MDGA2: variants seen among roughly 807,000 people sequenced by gnomAD.
MDGA2 encodes MAM domain containing glycosylphosphatidylinositol anchor 2, also known as MAM domain-containing glycosylphosphatidylinositol anchor protein 2.
In MDGA2, 40 loss-of-function variants were observed where a neutral mutation model predicts 117.8. The ratio of observed to expected loss-of-function variants is 0.34; its 90% confidence interval spans 0.26 to 0.44. MDGA2 has a LOEUF of 0.44. Ranked by LOEUF, MDGA2 falls within the 20% of genes least tolerant of loss-of-function variation. The probability of loss-of-function intolerance (pLI) is 1.00; values close to 1 mark genes in which losing one functional copy is unlikely to be tolerated. For missense variants in MDGA2, 1,123 were observed against 1,250.6 expected, an observed-to-expected ratio of 0.90 and a Z score of 1.54; for synonymous variants, 452 against 439.0, an observed-to-expected ratio of 1.03 and a Z score of -0.37.
intron 1 of MDGA2, among the ~76,000 whole-genome samples, chr14:47,619,118 C>A (rs2748127): frequency 1.2e-5 from 1 of 80,586 alleles, no homozygotes; most frequent in Non-Finnish European, 2.8e-5. Flanking sequence ...AGTTTAATTA[C>A]ACACACACAC....
chr14:47,476,790 A>C (rs1396905903), intron 1 of MDGA2, among the ~76,000 whole-genome samples: 1 of 152,236 alleles, frequency 6.6e-6, no homozygotes. Context: ...TACACAGTCA[A>C]ATCTAGCACT....
Position 46,945,412 on chromosome 14 carries a change from G to A in MDGA2, c.2089+11962C>T, listed in dbSNP as rs1885137681. Among the ~76,000 whole-genome samples, 3 of 152,018 alleles carry A rather than the reference G, an allele frequency of 2.0e-5. No individual in the cohort carries two copies. The South Asian group carries it at 6.2e-4, about 31-fold the overall frequency. On this transcript the variant is annotated intron_variant, in intron 9 of 16. Transcript: ENST00000399232. ...TAAGGAGGTATAATCTACCTGATGA[G>A]CTGAAATTCTGGCTTCCTTTAAGCA... is the stretch of plus-strand genomic sequence containing the variant.
At chr14:47,208,464 T>G (rs1405842400) in intron 3 of MDGA2, among the ~76,000 whole-genome samples, 2 of 151,996 alleles carry the variant, frequency 1.3e-5, no homozygotes, top group African/African-American at 4.8e-5. Flanking sequence ...ACATCCTCCC[T>G]TTTTTATATT....
intron 1 of MDGA2, among the ~76,000 whole-genome samples, chr14:47,378,818 C>T (rs1373729120): frequency 1.3e-5 from 2 of 152,088 alleles, no homozygotes; most frequent in African/African-American, 4.8e-5. Context: ...GGAGAACTTC[C>T]CCAACCTAGC....
intron 3 of MDGA2, among the ~76,000 whole-genome samples, chr14:47,200,094 C>T (rs1384110331): frequency 6.6e-6 from 1 of 151,676 alleles, no homozygotes; most frequent in African/African-American, 2.4e-5. Context: ...AGAATACATG[C>T]TTTATATATA....
intron 2 of MDGA2, among the ~76,000 whole-genome samples, chr14:47,294,264 T>G (rs547228539): frequency 6.6e-6 from 1 of 152,052 alleles, no homozygotes; most frequent in South Asian, 2.1e-4. Context: ...CCTGGCTAAT[T>G]TTTTTATTTC....
chr14:47,607,841 T>C (rs1031797716), intron 1 of MDGA2, among the ~76,000 whole-genome samples: 10 of 152,144 alleles, frequency 6.6e-5, no homozygotes, highest in African/African-American at 2.4e-4. Context: ...TTAAAAGAGG[T>C]TAATACTCTT....
intron 8 of MDGA2, among the ~76,000 whole-genome samples, chr14:46,977,737 A>G (rs745421428): frequency 1.3e-5 from 2 of 151,934 alleles, no homozygotes; most frequent in Non-Finnish European, 2.9e-5. Context: ...GATCAATAAC[A>G]TGGTAGTAAA....
intron 8 of MDGA2, among the ~76,000 whole-genome samples, chr14:46,989,735 T>C (rs1887010594): frequency 6.6e-6 from 1 of 152,022 alleles, no homozygotes; most frequent in South Asian, 2.1e-4. Context: ...TTCTACACAA[T>C]TAGCTATCTA....
At chr14:47,107,170 C>T (rs148127286) in intron 5 of MDGA2, among the ~76,000 whole-genome samples, 36 of 151,766 alleles carry the variant, frequency 2.4e-4, no homozygotes, top group Non-Finnish European at 3.8e-4. Context: ...CACTCAAGGC[C>T]AATATCCCAT....
chr14:47,316,609 C>T (rs1318905763), intron 1 of MDGA2, among the ~76,000 whole-genome samples: 1 of 152,048 alleles, frequency 6.6e-6, no homozygotes, highest in East Asian at 1.9e-4. Flanking sequence ...TAATAACTAA[C>T]TAGCAGGCTT....
chr14:46,885,887 T>TA (rs1402748016), intron 10 of MDGA2, among the ~76,000 whole-genome samples: 2 of 152,138 alleles, frequency 1.3e-5, no homozygotes, highest in African/African-American at 4.8e-5. Flanking sequence ...TAAGAAACCT[T>TA]AGTCTTTATA....
intron 1 of MDGA2, among the ~76,000 whole-genome samples, chr14:47,312,916 T>TTA (rs1225632699): frequency 8.8e-6 from 1 of 113,794 alleles, no homozygotes; most frequent in Non-Finnish European, 1.9e-5. Flanking sequence ...TTAAATTTAA[T>TTA]TATATATATA....
intron 1 of MDGA2, among the ~76,000 whole-genome samples, chr14:47,617,558 G>A (rs1285031730): frequency 6.6e-6 from 1 of 152,108 alleles, no homozygotes; most frequent in East Asian, 1.9e-4. Context: ...TGTCAAGTCA[G>A]TACAGTTTTA....
intron 1 of MDGA2, among the ~76,000 whole-genome samples, chr14:47,547,013 T>A (rs559925661): frequency 2.6e-5 from 4 of 152,200 alleles, no homozygotes; most frequent in African/African-American, 7.2e-5. Context: ...AGTTGTTTTT[T>A]AAAAAAAATT....
In MDGA2 at chr14:47,059,943, A is replaced by G. The variant is rs148035700; in HGVS notation, c.1525+1306T>C. ...TACAGTGTACAGTGTCACCTAGCAC[A>G]CTGAGGTGAAGAATCAATGGATATT... On this transcript the variant is annotated intron_variant, in intron 7 of 16. Coordinates refer to ENST00000399232, the MANE Select transcript of MDGA2 (RefSeq NM_001113498.3). Among the ~76,000 whole-genome samples the G allele has an allele frequency of 1.6e-4, 24 of 152,222 alleles. No homozygotes were observed. The East Asian group carries it at 2.5e-3, about 16-fold the overall frequency.
chr14:47,148,662 G>A (rs916904256), intron 3 of MDGA2, among the ~76,000 whole-genome samples: 2 of 152,134 alleles, frequency 1.3e-5, no homozygotes, highest in African/African-American at 2.4e-5. Flanking sequence ...GTAAATGGAT[G>A]TAGGTTTTTT....
chr14:47,666,404 C>A (rs1316216237), intron 1 of MDGA2, among the ~76,000 whole-genome samples: 4 of 146,692 alleles, frequency 2.7e-5, no homozygotes, highest in Admixed American at 1.3e-4. Context: ...ATACACCAAT[C>A]GGCACTCTGT....
At chr14:47,200,990 C>T (rs909147842) in intron 3 of MDGA2, 10 of 838,062 alleles carry the variant, frequency 1.2e-5, no homozygotes, top group Non-Finnish European at 1.7e-5. Context: ...TTGATGCCTT[C>T]GCAGCATACG....
Sources: gnomAD v4.1 joint callset for allele counts (sites outside exome capture counted in the v4.1 genomes callset) on GRCh38, gnomAD v4.1.1 for gene constraint, MANE v1.5 for transcripts, NCBI Gene and HGNC (gene_info 2026-07-23, HGNC 2026-07-21) for gene names.